Variants in NLK observed in about 807,000 individuals in gnomAD.
The protein encoded by NLK is nemo like kinase.
NLK carries 11 observed loss-of-function variants against 59.0 expected under a neutral mutation model. That is an observed-to-expected ratio of 0.19 (90% CI 0.12 to 0.31). NLK has a LOEUF of 0.31. NLK is among the 10% of genes least tolerant of loss of function. The pLI is 1.00. For missense variants in NLK, 410 were observed against 661.1 expected, an observed-to-expected ratio of 0.62 and a Z score of 4.16; for synonymous variants, 235 against 235.9, an observed-to-expected ratio of 1.00 and a Z score of 0.03.
chr17:28,182,769 G>T (rs910143775), intron 7 of NLK, among the ~76,000 whole-genome samples: 7 of 149,846 alleles, frequency 4.7e-5, no homozygotes, highest in African/African-American at 1.7e-4. Context: ...AAATGTAAAT[G>T]CCCTGACCCT....
At chr17:28,118,421 A>G (rs531379440) in intron 1 of NLK, among the ~76,000 whole-genome samples, 1 of 152,330 alleles carries the variant, frequency 6.6e-6, no homozygotes, top group East Asian at 1.9e-4. Flanking sequence ...ATGAATTTTA[A>G]AACTGCTAAC....
At chr17:28,077,073 C>CT (rs35639099) in intron 1 of NLK, among the ~76,000 whole-genome samples, 5,860 of 42,314 alleles carry the variant, frequency 0.14, 184 homozygotes, top group Non-Finnish European at 0.16. Flanking sequence ...CTCTTTCTTT[C>CT]TTTTTTTTTT....
chr17:28,127,257 G>A (rs936298976), intron 2 of NLK, among the ~76,000 whole-genome samples: 1 of 152,204 alleles, frequency 6.6e-6, no homozygotes, highest in Non-Finnish European at 1.5e-5. Context: ...TCTTGTCCTA[G>A]CTCTGGAGTG....
rs114509094 is a variant in NLK at position 28,089,356 on chromosome 17, C to T, written c.459-33247C>T. 6.6e-3 allele frequency among the ~76,000 whole-genome samples: 997 copies of T among 152,166 alleles called. 17 individuals carry two copies. The highest frequency in any genetic ancestry group is 0.022 in the African/African-American group (929 of 41,512). On this transcript the variant is annotated intron_variant, in intron 1 of 10. Transcript: ENST00000407008. ...ACTCTTTTTCATCTGGCTTCTTTCA[C>T]GCAGCTTATTTATTTTGAGATCTAT...
chr17:28,175,057 T>C (rs1908619112), intron 7 of NLK, among the ~76,000 whole-genome samples: 1 of 151,880 alleles, frequency 6.6e-6, no homozygotes. Flanking sequence ...TATGTTTTGG[T>C]ACATCATGAC....
chr17:28,074,512 G>A (rs1173926792), intron 1 of NLK, among the ~76,000 whole-genome samples: 1 of 152,104 alleles, frequency 6.6e-6, no homozygotes, highest in Non-Finnish European at 1.5e-5. Context: ...TTGGGGTAGG[G>A]GGTTGAGGAG....
intron 3 of NLK, among the ~76,000 whole-genome samples, chr17:28,151,397 G>T (rs1032154301): frequency 2.6e-5 from 4 of 152,108 alleles, no homozygotes; most frequent in Admixed American, 2.0e-4. Flanking sequence ...TGTTGGCCTG[G>T]TTGTCTCATT....
At chr17:28,169,079 T>C (rs1908359134) in intron 6 of NLK, among the ~76,000 whole-genome samples, 1 of 151,878 alleles carries the variant, frequency 6.6e-6, no homozygotes, top group South Asian at 2.1e-4. Flanking sequence ...AGAGACAGGG[T>C]TTTGCTGTAT....
intron 1 of NLK, among the ~76,000 whole-genome samples, chr17:28,094,714 G>T (rs1031612142): frequency 6.6e-6 from 1 of 152,134 alleles, no homozygotes; most frequent in African/African-American, 2.4e-5. Context: ...TAAGCATCTG[G>T]TAAAGGGAGG....
intron 7 of NLK, among the ~76,000 whole-genome samples, chr17:28,184,109 T>TG (rs1909023560): frequency 6.6e-6 from 1 of 152,212 alleles, no homozygotes; most frequent in African/African-American, 2.4e-5. Flanking sequence ...CATGTGGATA[T>TG]GCCTACCACT....
chr17:28,049,151 A>G (rs1019396025), intron 1 of NLK, among the ~76,000 whole-genome samples: 1 of 152,242 alleles, frequency 6.6e-6, no homozygotes, highest in African/African-American at 2.4e-5. Context: ...GTTGTAAGGT[A>G]CCTAGTGCAG....
rs777623391 is a variant in NLK, at chr17:28,077,257, T to C, written c.458+33926T>C. 5.8e-4 allele frequency among the ~76,000 whole-genome samples: 88 copies of C among 152,094 alleles called. 2 individuals are homozygous for C. The Middle Eastern group carries it at 0.01, about 18-fold the overall frequency. ...AGGTTTAATTGGACTTGCAGTTCCA[T>C]GTGGCTTGGAAGGCCTCAGAATCAT... On this transcript the variant is annotated intron_variant, in intron 1 of 10. Coordinates refer to ENST00000407008, the MANE Select transcript of NLK (RefSeq NM_016231.5).
chr17:28,097,359 G>A (rs1904739541), intron 1 of NLK, among the ~76,000 whole-genome samples: 1 of 152,084 alleles, frequency 6.6e-6, no homozygotes, highest in Non-Finnish European at 1.5e-5. Flanking sequence ...GTGGATATCT[G>A]TATTTAACTT....
intron 3 of NLK, among the ~76,000 whole-genome samples, chr17:28,140,064 A>T (rs1197482765): frequency 1.3e-5 from 2 of 152,182 alleles, no homozygotes; most frequent in African/African-American, 4.8e-5. Flanking sequence ...ATTGAAGAGG[A>T]TAGATATTCC....
chr17:28,128,693 A>G (rs1906389721), intron 2 of NLK, among the ~76,000 whole-genome samples: 1 of 152,238 alleles, frequency 6.6e-6, no homozygotes, highest in African/African-American at 2.4e-5. Flanking sequence ...CTGAAACTCT[A>G]ATCCATTGCT....
chr17:28,082,252 C>A (rs563294587), intron 1 of NLK, among the ~76,000 whole-genome samples: 1 of 152,178 alleles, frequency 6.6e-6, no homozygotes, highest in African/African-American at 2.4e-5. Flanking sequence ...AATGTTCCAT[C>A]TGCAACTTAT....
At chr17:28,072,028 C>T (rs965399266) in intron 1 of NLK, among the ~76,000 whole-genome samples, 1 of 152,136 alleles carries the variant, frequency 6.6e-6, no homozygotes, top group Non-Finnish European at 1.5e-5. Flanking sequence ...ACCAACCACC[C>T]AACAAAAAGT....
At chr17:28,062,106 GT>G (rs1032378124) in intron 1 of NLK, 24 of 151,644 alleles carry the variant, frequency 1.6e-4, no homozygotes, top group African/African-American at 5.8e-4. Context: ...AGTTTCGGAA[GT>G]GTTGCCCGTT....
chr17:28,133,875 C>A (rs149125274), intron 3 of NLK, among the ~76,000 whole-genome samples: 1 of 152,124 alleles, frequency 6.6e-6, no homozygotes, highest in East Asian at 1.9e-4. Flanking sequence ...AGATTGTTAT[C>A]TTTGATAACT....
Sources: gnomAD v4.1 joint callset for allele counts (sites outside exome capture counted in the v4.1 genomes callset) on GRCh38, gnomAD v4.1.1 for gene constraint, MANE v1.5 for transcripts, NCBI Gene and HGNC (gene_info 2026-07-23, HGNC 2026-07-21) for gene names.